DNAJC5B: variants seen among roughly 807,000 people sequenced by gnomAD.
DNAJC5B encodes dnaJ homolog subfamily C member 5B.
Under a neutral mutation model 24.7 loss-of-function variants are expected in DNAJC5B, and 23 were observed. The ratio of observed to expected loss-of-function variants is 0.93; its 90% CI spans 0.67 to 1.32. The LOEUF is 1.32. Among genes scored for constraint, DNAJC5B ranks in the 40% most tolerant of loss-of-function variants. The pLI, the probability that DNAJC5B is intolerant of heterozygous loss-of-function variation, is 0.00. For synonymous variants in DNAJC5B, 101 were observed against 90.1 expected (o/e 1.12, Z -0.68); for missense variants, 238 against 240.8 (o/e 0.99, Z 0.08).
intron 2 of DNAJC5B, among the ~76,000 whole-genome samples, chr8:66,044,842 A>C (rs1282636113): frequency 5.9e-5 from 9 of 152,216 alleles, no homozygotes; most frequent in Admixed American, 5.2e-4. Context: ...ATGAATAAAT[A>C]ATAAAGACTT....
intron 5 of DNAJC5B, among the ~76,000 whole-genome samples, chr8:66,084,470 G>A (rs1807675885): frequency 6.6e-6 from 1 of 152,072 alleles, no homozygotes; most frequent in Non-Finnish European, 1.5e-5. Context: ...TCATTCTTAG[G>A]TAGGATCTAA....
intron 1 of DNAJC5B, among the ~76,000 whole-genome samples, chr8:66,030,694 T>C (rs112935467): frequency 0.12 from 18,300 of 152,180 alleles, 1,140 homozygotes; most frequent in Middle Eastern, 0.15. Context: ...TGGATTGCAG[T>C]GGCAAGATCT....
intron 3 of DNAJC5B, among the ~76,000 whole-genome samples, chr8:66,058,934 A>G (rs2128961012): frequency 6.6e-6 from 1 of 152,354 alleles, no homozygotes; most frequent in Middle Eastern, 3.4e-3. Context: ...TCTTTGTGGC[A>G]AAGCACAGTG....
intron 1 of DNAJC5B, among the ~76,000 whole-genome samples, chr8:66,030,160 C>T (rs1806329313): frequency 6.6e-6 from 1 of 152,216 alleles, no homozygotes; most frequent in South Asian, 2.1e-4. Flanking sequence ...CATCAGGAGG[C>T]GAGTCTTCTG....
intron 4 of DNAJC5B, among the ~76,000 whole-genome samples, chr8:66,079,918 C>G (rs1389199454): frequency 6.6e-6 from 1 of 152,016 alleles, no homozygotes; most frequent in Non-Finnish European, 1.5e-5. Context: ...TGGTGACCAG[C>G]AGGAATGTGA....
intron 2 of DNAJC5B, among the ~76,000 whole-genome samples, chr8:66,044,503 G>A (rs775945326): frequency 3.4e-4 from 52 of 151,592 alleles, no homozygotes; most frequent in Non-Finnish European, 6.2e-4. Context: ...ATTTCAACAC[G>A]AAAGATTTAG....
intron 1 of DNAJC5B, among the ~76,000 whole-genome samples, chr8:66,042,062 C>T (rs62507393): frequency 1.3e-5 from 2 of 152,136 alleles, no homozygotes; most frequent in South Asian, 2.1e-4. Flanking sequence ...ACTGATTTTA[C>T]GTTCTTGCAG....
At chr8:66,091,356 C>A (rs985998799) in intron 5 of DNAJC5B, among the ~76,000 whole-genome samples, 1 of 152,090 alleles carries the variant, frequency 6.6e-6, no homozygotes, top group Non-Finnish European at 1.5e-5. Flanking sequence ...AGGACACTTT[C>A]CCACGAAGTG....
Position 66,100,279 on chromosome 8 carries a change from C to A in DNAJC5B, c.*248C>A. The stretch of plus-strand genomic sequence containing the variant: ...CTGAAGAGTTATTTTACCCTCCTTG[C>A]CTGATGTAGGACAGTGGAATTGTAC... On this transcript the variant is annotated 3_prime_UTR_variant, in exon 6 of 6. Transcript: ENST00000276570. 1 of 398,464 alleles carries A rather than the reference C, an allele frequency of 2.5e-6. No homozygotes were observed. Among genetic ancestry groups the A allele is most frequent in the Non-Finnish European group, 4.6e-6 (1 of 217,718 alleles). The allele number at this position is 398,464 out of a possible 1,614,324, so 24.7% of individuals were successfully genotyped here.
rs376829238 is a variant in DNAJC5B at position 66,035,397 on chromosome 8, T to C, written c.-141-8091T>C. ...TTTGGAGATGTCATTAAGATCTAAA[T>C]TAAGATGAGGCCTTACTGGAGTAGG... On this transcript the variant is annotated intron_variant, in intron 1 of 5. Transcript: ENST00000276570. Among the ~76,000 whole-genome samples the C allele has an allele frequency of 3.3e-5, 5 of 152,312 alleles. No homozygotes were observed. The East Asian group carries it at 7.7e-4, about 24-fold the overall frequency.
intron 3 of DNAJC5B, among the ~76,000 whole-genome samples, chr8:66,062,484 C>A (rs1198200737): frequency 6.6e-6 from 1 of 152,178 alleles, no homozygotes; most frequent in Non-Finnish European, 1.5e-5. Flanking sequence ...TCATTTGTAA[C>A]ATAAACATTG....
At chr8:66,017,925 A>T (rs1051224831), upstream of DNAJC5B, among the ~76,000 whole-genome samples, 25 of 152,378 alleles carry the variant, frequency 1.6e-4, no homozygotes, top group Non-Finnish European at 1.5e-5. Flanking sequence ...CAAAAGCAAA[A>T]TAAGAACAAA....
At chr8:66,015,997 C>G in the DNAJC5B span, among the ~76,000 whole-genome samples, 2 of 152,136 alleles carry the variant, frequency 1.3e-5, no homozygotes, top group Admixed American at 1.3e-4. Flanking sequence ...GGACCACAGG[C>G]TGGGTCATTT....
At chr8:66,046,297 G>A (rs55989818) in intron 2 of DNAJC5B, among the ~76,000 whole-genome samples, 21,517 of 152,074 alleles carry the variant, frequency 0.14, 1,538 homozygotes, top group Middle Eastern at 0.22. Context: ...CAGTGGCTGC[G>A]CAGAGGGAAA....
chr8:66,029,984 A>G (rs1806325936), intron 1 of DNAJC5B, among the ~76,000 whole-genome samples: 1 of 152,196 alleles, frequency 6.6e-6, no homozygotes, highest in African/African-American at 2.4e-5. Context: ...CTAGTTATTC[A>G]ATAAACCTTG....
At chr8:66,032,313 CACCTGA>C (rs1806376757) in intron 1 of DNAJC5B, among the ~76,000 whole-genome samples, 2 of 152,278 alleles carry the variant, frequency 1.3e-5, no homozygotes, top group Non-Finnish European at 2.9e-5. Context: ...AGGGCAGGCA[CACCTGA>C]ACATGTGGGA....
At chr8:66,015,388 A>C in the DNAJC5B span, among the ~76,000 whole-genome samples, 6 of 152,136 alleles carry the variant, frequency 3.9e-5, no homozygotes, top group Non-Finnish European at 7.3e-5. Flanking sequence ...GCTTGAAAGG[A>C]AATGTAGTAG....
At chr8:66,083,097 C>T (rs1387868356) in intron 5 of DNAJC5B, among the ~76,000 whole-genome samples, 3 of 150,284 alleles carry the variant, frequency 2.0e-5, no homozygotes, top group Admixed American at 6.6e-5. Context: ...CTGCAACCGC[C>T]GCCTCCCGGG....
At chr8:66,092,617 C>T (rs922810002) in intron 5 of DNAJC5B, among the ~76,000 whole-genome samples, 8 of 152,102 alleles carry the variant, frequency 5.3e-5, no homozygotes, top group African/African-American at 1.9e-4. Flanking sequence ...TCCTTGTTTG[C>T]TCTTCCCTCC....
Sources: gnomAD v4.1 joint callset for allele counts (sites outside exome capture counted in the v4.1 genomes callset) on GRCh38, gnomAD v4.1.1 for gene constraint, MANE v1.5 for transcripts, NCBI Gene and HGNC (gene_info 2026-07-23, HGNC 2026-07-21) for gene names.